The following MAST4 variants were observed in gnomAD, a reference collection of about 807,000 sequenced individuals.
MAST4 encodes microtubule associated serine/threonine kinase family member 4, also known as microtubule-associated serine/threonine-protein kinase 4.
MAST4 carries 89 observed loss-of-function variants against 162.7 expected under a neutral mutation model. The ratio of observed to expected loss-of-function variants is 0.55; its 90% CI spans 0.46 to 0.65. MAST4 has a LOEUF of 0.65. MAST4 is among the 30% of genes least tolerant of loss of function. MAST4 has a pLI of 0.00. For missense variants in MAST4, 3,153 were observed against 3,374.0 expected (o/e 0.93, Z 1.62); for synonymous variants, 1,479 against 1,361.1 (o/e 1.09, Z -1.91).
chr5:67,121,391 G>T (rs1215182444), intron 14 of MAST4, among the ~76,000 whole-genome samples: 3 of 151,322 alleles, frequency 2.0e-5, no homozygotes, highest in Non-Finnish European at 2.9e-5. Context: ...TGCCCTTTTG[G>T]GTTAAAAGAA....
intron 1 of MAST4, among the ~76,000 whole-genome samples, chr5:66,740,222 G>T (rs1219454730): frequency 2.6e-5 from 4 of 152,200 alleles, no homozygotes; most frequent in Non-Finnish European, 5.9e-5. Flanking sequence ...TCTTAAAAGA[G>T]ACAGCAGAGG....
intron 4 of MAST4, among the ~76,000 whole-genome samples, chr5:66,998,418 AC>A (rs1264225059): frequency 6.6e-6 from 1 of 152,236 alleles, no homozygotes; most frequent in Admixed American, 6.5e-5. Context: ...GCAATTCGTT[AC>A]CTATCATGGT....
chr5:66,649,331 C>G (rs1165578295), intron 1 of MAST4, among the ~76,000 whole-genome samples: 1 of 152,094 alleles, frequency 6.6e-6, no homozygotes, highest in East Asian at 1.9e-4. Flanking sequence ...TAATCAGTGC[C>G]TGAACACATG....
At chr5:67,147,103 A>T (rs776748905) in intron 23 of MAST4, among the ~76,000 whole-genome samples, 12 of 148,700 alleles carry the variant, frequency 8.1e-5, no homozygotes, top group East Asian at 1.9e-4. Context: ...TTTCATAATT[A>T]AAAAAAAAAT....
At chr5:67,007,036 C>G (rs914131130) in intron 4 of MAST4, among the ~76,000 whole-genome samples, 1 of 152,136 alleles carries the variant, frequency 6.6e-6, no homozygotes, top group African/African-American at 2.4e-5. Flanking sequence ...CTACATCCAT[C>G]GAGTCATTGT....
At chr5:66,955,705 G>T (rs1308118225) in intron 4 of MAST4, among the ~76,000 whole-genome samples, 1 of 152,044 alleles carries the variant, frequency 6.6e-6, no homozygotes, top group Non-Finnish European at 1.5e-5. Context: ...CTATGAAAGG[G>T]AATTAAAGGT....
chr5:66,884,736 G>A (rs1761928183), intron 3 of MAST4, among the ~76,000 whole-genome samples: 1 of 152,092 alleles, frequency 6.6e-6, no homozygotes, highest in Non-Finnish European at 1.5e-5. Context: ...CCCCTCAAAT[G>A]AAAAAAGACG....
chr5:66,979,899 C>T (rs915336805), intron 4 of MAST4, among the ~76,000 whole-genome samples: 18 of 152,276 alleles, frequency 1.2e-4, no homozygotes, highest in East Asian at 9.6e-4. Context: ...CTGCCTAATA[C>T]GAGTACAGAC....
chr5:67,162,694 G>C lies in MAST4; in HGVS notation c.3873G>C (p.Leu1291=). The C allele has an allele frequency of 6.2e-7, 1 of 1,613,852 alleles. No individual in the cohort carries two copies. The highest frequency in any genetic ancestry group is 8.5e-7 in the Non-Finnish European group (1 of 1,179,868). ...SRSFSCLNRS[L]SSGESLPGSP... ...GTTTCTCCTGCTTGAACAGATCCCTGTCATCGGGTGAGAGCCTCCCAGGTT... is the reference window on the plus strand; with the variant it reads ...GTTTCTCCTGCTTGAACAGATCCCTCTCATCGGGTGAGAGCCTCCCAGGTT... The change falls in exon 28 of 29, where the codon CTG becomes CTC. Residue 1291 remains leucine (L), a synonymous_variant. Coordinates refer to ENST00000403625, the MANE Select transcript of MAST4 (RefSeq NM_001164664.2).
chr5:66,623,047 T>G (rs977623155), intron 1 of MAST4: 16 of 152,184 alleles, frequency 1.1e-4, no homozygotes, highest in African/African-American at 3.9e-4. Flanking sequence ...TGAATTCCTA[T>G]GGGACAGGTG....
chr5:67,146,869 C>G (rs1771153892), intron 23 of MAST4, among the ~76,000 whole-genome samples: 1 of 152,188 alleles, frequency 6.6e-6, no homozygotes, highest in African/African-American at 2.4e-5. Flanking sequence ...CATGCTGATG[C>G]TCAGATCATA....
intron 11 of MAST4, among the ~76,000 whole-genome samples, chr5:67,111,606 C>T (rs1766255929): frequency 1.3e-5 from 2 of 152,128 alleles, no homozygotes; most frequent in South Asian, 2.1e-4. Context: ...GGTTAGTTAA[C>T]TTTTTACTGC....
At chr5:66,704,318 G>T (rs892642196) in intron 1 of MAST4, among the ~76,000 whole-genome samples, 3 of 152,080 alleles carry the variant, frequency 2.0e-5, no homozygotes, top group Admixed American at 6.6e-5. Context: ...GGGATCCTGA[G>T]AACTACTTCA....
chr5:67,078,938 A>ATATATATATAT (rs1762261639), intron 5 of MAST4, among the ~76,000 whole-genome samples: 3 of 94,434 alleles, frequency 3.2e-5, no homozygotes, highest in Non-Finnish European at 5.6e-5. Context: ...ATATATATAT[A>ATATATATATAT]TATATATATA....
At chr5:66,997,619 G>C (rs1750817297) in intron 4 of MAST4, among the ~76,000 whole-genome samples, 1 of 151,638 alleles carries the variant, frequency 6.6e-6, no homozygotes. Context: ...TTTTAGTAGA[G>C]ACGGGGTTTC....
intron 14 of MAST4, among the ~76,000 whole-genome samples, chr5:67,129,010 TCTTTA>T (rs1768595632): frequency 6.6e-6 from 1 of 152,202 alleles, no homozygotes; most frequent in Admixed American, 6.5e-5. Context: ...CTGATTCTCT[TCTTTA>T]CTTTATCCCA....
intron 14 of MAST4, among the ~76,000 whole-genome samples, chr5:67,127,233 C>G (rs2150977787): frequency 6.6e-6 from 1 of 152,276 alleles, no homozygotes; most frequent in Middle Eastern, 3.4e-3. Flanking sequence ...ATTTCTTTCT[C>G]TTACCTGATT....
At chr5:66,707,157 G>C (rs1479735789) in intron 1 of MAST4, among the ~76,000 whole-genome samples, 1 of 152,210 alleles carries the variant, frequency 6.6e-6, no homozygotes. Flanking sequence ...CTGACTTCCA[G>C]TCCCTCCTTG....
At chr5:66,757,047 T>C (rs1386284188) in intron 1 of MAST4, among the ~76,000 whole-genome samples, 4 of 152,238 alleles carry the variant, frequency 2.6e-5, no homozygotes, top group Non-Finnish European at 4.4e-5. Flanking sequence ...GATTTCCTTC[T>C]CTTTCTTCCA....
Sources: allele counts gnomAD v4.1 joint callset (sites outside exome capture counted in the v4.1 genomes callset), GRCh38; gene constraint gnomAD v4.1.1; transcripts MANE v1.5; gene names NCBI Gene and HGNC (gene_info 2026-07-23, HGNC 2026-07-21).